The following MAK variants were observed in gnomAD, a reference collection of about 807,000 sequenced individuals.
The protein encoded by MAK is male germ cell associated kinase.
Under a neutral mutation model 82.6 loss-of-function variants are expected in MAK, and 65 were observed. That is an observed-to-expected ratio of 0.79 (90% CI 0.64 to 0.97). MAK has a LOEUF of 0.97. Among genes scored for constraint, MAK ranks in the 50% least tolerant of loss-of-function variants. The probability of loss-of-function intolerance (pLI) is 0.00; values close to 1 mark genes in which losing one functional copy is unlikely to be tolerated. For missense variants in MAK, 703 were observed against 780.2 expected (o/e 0.90, Z 1.18); for synonymous variants, 250 against 274.2 (o/e 0.91, Z 0.87).
chr6:10,771,324 G>C (rs1022544541), intron 13 of MAK, among the ~76,000 whole-genome samples: 4 of 152,164 alleles, frequency 2.6e-5, no homozygotes, highest in Non-Finnish European at 5.9e-5. Context: ...AAATCCAAGA[G>C]AATACACACT....
At chr6:10,807,263 C>T (rs976125090) in intron 6 of MAK, among the ~76,000 whole-genome samples, 2 of 151,760 alleles carry the variant, frequency 1.3e-5, no homozygotes, top group African/African-American at 2.4e-5. Context: ...CCCCATCTCC[C>T]CCAACTCCCT....
At chr6:10,788,385 A>G (rs964945701) in intron 10 of MAK, among the ~76,000 whole-genome samples, 1 of 152,176 alleles carries the variant, frequency 6.6e-6, no homozygotes, top group East Asian at 1.9e-4. Context: ...GAATAATTAT[A>G]AATAATTATG....
chr6:10,771,287 G>C (rs761324447), intron 13 of MAK, among the ~76,000 whole-genome samples: 10 of 152,166 alleles, frequency 6.6e-5, no homozygotes, highest in Admixed American at 1.3e-4. Context: ...AGGTAGAGAG[G>C]TGGATGGTAG....
At chr6:10,831,219 G>A (rs1581778874) in intron 1 of MAK, among the ~76,000 whole-genome samples, 1 of 151,934 alleles carries the variant, frequency 6.6e-6, no homozygotes, top group Non-Finnish European at 1.5e-5. Context: ...ATCAATTTTT[G>A]TATCATATTT....
intron 1 of MAK, among the ~76,000 whole-genome samples, chr6:10,831,996 C>A (rs1778847038): frequency 1.3e-5 from 2 of 152,106 alleles, no homozygotes. Context: ...GTGGCACAAT[C>A]TTGGCTCACT....
rs1295001959 is a variant in MAK at position 10,833,678 on chromosome 6, G to A, written c.-229-2801C>T. 2.6e-5 allele frequency among the ~76,000 whole-genome samples: 4 copies of A among 151,850 alleles called. No individual in the cohort carries two copies. The East Asian group carries it at 7.7e-4, about 29-fold the overall frequency. ...TTAACATTTATCTTACTTCATGTAG[G>A]TAACAATCCCTTCAAAGGCACATAT... On this transcript the variant is annotated intron_variant, in intron 1 of 14. Coordinates refer to ENST00000354489, the MANE Select transcript of MAK (RefSeq NM_001242957.3).
In MAK at chr6:10,825,082, T is replaced by A. The variant is rs1315459693; in HGVS notation, c.101+5466A>T. On this transcript the variant is annotated intron_variant, in intron 2 of 14. Coordinates refer to ENST00000354489, the MANE Select transcript of MAK (RefSeq NM_001242957.3). ...AGGACTTCTGGGGAAGAATTATCAC[T>A]AGCTGATAAAAGATGAGAAGAGTTT... 3.3e-5 allele frequency among the ~76,000 whole-genome samples: 5 copies of A among 152,322 alleles called. No homozygotes were observed. The South Asian group carries it at 6.2e-4, about 19-fold the overall frequency.
At chr6:10,820,125 T>TA (rs912877287) in intron 2 of MAK, among the ~76,000 whole-genome samples, 2 of 151,332 alleles carry the variant, frequency 1.3e-5, no homozygotes, top group African/African-American at 2.4e-5. Context: ...AAAAAAAATT[T>TA]AAAAAAAACA....
At chr6:10,779,247 G>C (rs1029523035) in intron 11 of MAK, 18 of 761,632 alleles carry the variant, frequency 2.4e-5, no homozygotes, top group Non-Finnish European at 2.9e-5. Flanking sequence ...GAGACCAGAG[G>C]GCACTGCTGA....
Position 10,766,153 on chromosome 6 carries a change from A to G in MAK, c.1793-1547T>C, listed in dbSNP as rs865861434. Among the ~76,000 whole-genome samples, 3 of 152,134 alleles carry G rather than the reference A, an allele frequency of 2.0e-5. No homozygotes were observed. The Middle Eastern group carries it at 0.01, about 517-fold the overall frequency. Reference sequence around the variant, plus strand: ...CTCTTCACACTGTGTAGTAGCTGCCATTCTTGGATTAAACTCTAAGTGTTA... The same window carrying G: ...CTCTTCACACTGTGTAGTAGCTGCCGTTCTTGGATTAAACTCTAAGTGTTA... On this transcript the variant is annotated intron_variant, in intron 14 of 14. Coordinates refer to ENST00000354489, the MANE Select transcript of MAK (RefSeq NM_001242957.3).
In MAK at chr6:10,779,356, C is replaced by T. The variant is rs143237788; in HGVS notation, c.1466-3897G>A. The T allele has an allele frequency of 3.9e-5, 38 of 985,278 alleles. No homozygotes were observed. The African/African-American group carries it at 5.4e-4, about 14-fold the overall frequency. The allele number at this position is 985,278 out of a possible 1,614,324, so 61.0% of individuals were successfully genotyped here. A position where few individuals can be genotyped will look rare whatever the true frequency, so the allele number is the denominator to read the frequency against. On this transcript the variant is annotated intron_variant, in intron 11 of 14. Coordinates refer to ENST00000354489, the MANE Select transcript of MAK (RefSeq NM_001242957.3). ...GAGCTGACAGATGGTGCAGTCCCAT[C>T]GTAAGTTACAGAAAACAGAATCTTG...
Position 10,813,653 on chromosome 6 carries a change from G to A in MAK, c.349C>T (p.His117Tyr), listed in dbSNP as rs1382321620. 6.3e-7 allele frequency: 1 copy of A among 1,584,280 alleles called. No individual in the cohort carries two copies. The highest frequency in any genetic ancestry group is 1.3e-5 in the African/African-American group (1 of 74,286). Residue 117 changes from histidine (H) to tyrosine (Y), a missense_variant, in exon 5 of 15, where the codon CAT becomes TAT. Transcript: ENST00000354489. ...CTTAAAAGAAACCTACCATGTTTAT[G>A]GATAAAAGCCAGCCCTTGCAATATT... ...YQILQGLAFIHKHGFFHRDMK... is the reference protein window; with the variant it reads ...YQILQGLAFIYKHGFFHRDMK...
intron 10 of MAK, among the ~76,000 whole-genome samples, chr6:10,787,187 T>G (rs1172242454): frequency 1.3e-5 from 2 of 149,726 alleles, no homozygotes; most frequent in African/African-American, 4.9e-5. Flanking sequence ...CTCCGCTAAT[T>G]CACCAGTTCA....
At chr6:10,808,280 C>G (rs1458631358) in intron 6 of MAK, among the ~76,000 whole-genome samples, 1 of 152,146 alleles carries the variant, frequency 6.6e-6, no homozygotes, top group African/African-American at 2.4e-5. Context: ...GTCTAAGATT[C>G]GTCCACATTG....
chr6:10,782,394 A>G (rs1353073094), intron 11 of MAK, among the ~76,000 whole-genome samples: 1 of 152,090 alleles, frequency 6.6e-6, no homozygotes, highest in Non-Finnish European at 1.5e-5. Flanking sequence ...TCAGCACAGG[A>G]CTGCAGTCCT....
Position 10,791,776 on chromosome 6 carries a change from A to G in MAK, c.1215T>C (p.Asp405=), listed in dbSNP as rs148549681. ...RWGQTIFKSG[D]SWEELEDYDF... is the part of the protein sequence containing the mutation. ...CATAGTCCTCCAACTCTTCCCAGCT[A>G]TCTCCAGACTTGAAGATAGTCTGAC... Residue 405 remains aspartate (D), a synonymous_variant, in exon 10 of 15, where the codon GAT becomes GAC. Transcript: ENST00000354489. 2.2e-5 allele frequency: 35 copies of G among 1,613,952 alleles called. No homozygotes were observed. The African/African-American group carries it at 4.4e-4, about 20-fold the overall frequency.
chr6:10,829,116 C>G (rs1265441254), intron 2 of MAK: 2 of 152,172 alleles, frequency 1.3e-5, no homozygotes, highest in African/African-American at 4.8e-5. Flanking sequence ...ATCAGAGAAC[C>G]CAAGCCAGAA....
At chr6:10,814,850 C>T (rs1777338229) in intron 4 of MAK, among the ~76,000 whole-genome samples, 1 of 151,822 alleles carries the variant, frequency 6.6e-6, no homozygotes, top group Non-Finnish European at 1.5e-5. Flanking sequence ...GCAGCCTCGC[C>T]AACATGGTGA....
At chr6:10,803,193 G>C (rs1274414909) in intron 7 of MAK, among the ~76,000 whole-genome samples, 1 of 152,146 alleles carries the variant, frequency 6.6e-6, no homozygotes, top group Non-Finnish European at 1.5e-5. Context: ...TTTTTCTTCA[G>C]CTGGTGGGAT....
Sources: allele counts gnomAD v4.1 joint callset (sites outside exome capture counted in the v4.1 genomes callset), GRCh38; gene constraint gnomAD v4.1.1; transcripts MANE v1.5; gene names NCBI Gene and HGNC (gene_info 2026-07-23, HGNC 2026-07-21).